PRCD: variants seen among roughly 807,000 people sequenced by gnomAD.
The protein encoded by PRCD is photoreceptor disk component PRCD.
PRCD carries 12 observed loss-of-function variants against 10.1 expected under a neutral mutation model. The ratio of observed to expected loss-of-function variants is 1.18; its 90% CI spans 0.76 to 1.92. PRCD has a LOEUF of 1.92. PRCD is among the 40% of genes most tolerant of loss of function. The pLI is 0.00. For synonymous variants in PRCD, 31 were observed against 26.2 expected, an observed-to-expected ratio of 1.18 and a Z score of -0.56; for missense variants, 61 against 72.2, an observed-to-expected ratio of 0.84 and a Z score of 0.56.
chr17:76,549,472 C>T (rs529988936), downstream of PRCD, among the ~76,000 whole-genome samples: 4 of 152,294 alleles, frequency 2.6e-5, no homozygotes, highest in South Asian at 4.1e-4. Flanking sequence ...AGCTGAAGGC[C>T]GACCATAGTA....
At position 76,528,564 on chromosome 17, in the gene PRCD, T is replaced by C. The variant is rs775552141; in HGVS notation, n.45+731T>C. On this transcript the variant is annotated intron_variant and non_coding_transcript_variant, in intron 1 of 4. Coordinates refer to the PRCD transcript ENST00000397633. This position sits in a 1 kb window ranked among gnomAD's most constrained non-coding sequence, Gnocchi z 5.8. Reference sequence around the variant, plus strand: ...CTCGAGGTGCTGCCAGGGAGGGGGGTGGAGTTAGGGGTCCTACGGCCCCGA... The same window carrying C: ...CTCGAGGTGCTGCCAGGGAGGGGGGCGGAGTTAGGGGTCCTACGGCCCCGA... The C allele has an allele frequency of 7.9e-7, 1 of 1,260,836 alleles. No individual in the cohort carries two copies. The highest frequency in any genetic ancestry group is 3.2e-5 in the South Asian group (1 of 31,278). 78.1% of individuals were successfully genotyped at this position (1,260,836 alleles called of 1,614,324 possible).
downstream of PRCD, among the ~76,000 whole-genome samples, chr17:76,547,772 TATA>T (rs926129084): frequency 1.1e-4 from 16 of 143,436 alleles, no homozygotes; most frequent in Admixed American, 7.0e-4. Context: ...TATACAAACA[TATA>T]ATACACACAC....
downstream of PRCD, among the ~76,000 whole-genome samples, chr17:76,547,959 CACAT>C (rs927650722): frequency 2.6e-5 from 4 of 151,682 alleles, no homozygotes; most frequent in Non-Finnish European, 5.9e-5. Context: ...CATATACACA[CACAT>C]ACACATAAAC....
Position 76,540,554 on chromosome 17 carries a change from G to C in PRCD, c.124G>C (p.Asp42His). 1 of 1,613,550 alleles carries C rather than the reference G, an allele frequency of 6.2e-7. No individual in the cohort carries two copies. Among genetic ancestry groups the C allele is most frequent in the African/African-American group, 1.3e-5 (1 of 75,046 alleles). ...AGCTAGGGGCAGCAGCTTGGATGCG[G>C]ACCCTCAGTCCTCAGGCAGGTAAGG... The part of the protein sequence containing the change: ...GAARGSSLDA[D>H]PQSSGREKEP... The change falls in exon 2 of 5, where the codon GAC (aspartate) becomes CAC (histidine). Residue 42 changes from aspartate (D) to histidine (H), a missense_variant. Transcript: ENST00000592014. The surrounding 1 kb of genome is among the most constrained non-coding windows in gnomAD (Gnocchi z 5.0).
At chr17:76,535,680 G>A (rs527270945), upstream of PRCD, among the ~76,000 whole-genome samples, 2 of 152,310 alleles carry the variant, frequency 1.3e-5, no homozygotes, top group South Asian at 4.1e-4. Flanking sequence ...ACTGGAAGAG[G>A]GGTGTAGAGA....
intron 1 of PRCD, chr17:76,550,486 TC>T (rs999632792): frequency 6.4e-4 from 98 of 152,158 alleles, no homozygotes; most frequent in African/African-American, 2.3e-3. Context: ...GGTCTCAAAC[TC>T]CTGACCTCAG....
chr17:76,543,589 C>T (rs2075017263), intron 4 of PRCD, among the ~76,000 whole-genome samples: 1 of 152,240 alleles, frequency 6.6e-6, no homozygotes, highest in Admixed American at 6.5e-5. Context: ...CTCCCAGGCT[C>T]ACACTGGAGC....
chr17:76,534,124 T>TCTC (rs2143101853), intron 1 of PRCD, among the ~76,000 whole-genome samples: 1 of 134,806 alleles, frequency 7.4e-6, no homozygotes, highest in South Asian at 2.6e-4. Context: ...CTTTCTTTCT[T>TCTC]TCTTTCTCTC....
intron 1 of PRCD, chr17:76,529,914 G>T (rs549764364): frequency 6.1e-5 from 60 of 985,324 alleles, no homozygotes; most frequent in African/African-American, 4.7e-4. Context: ...GACGGGAGAG[G>T]GGGGAGGGGA....
Position 76,528,421 on chromosome 17 carries a change from G to T in PRCD, n.45+588G>T, listed in dbSNP as rs985678787. On this transcript the variant is annotated intron_variant and non_coding_transcript_variant, in intron 1 of 4. Coordinates refer to the PRCD transcript ENST00000397633. This position sits in a 1 kb window ranked among gnomAD's most constrained non-coding sequence, Gnocchi z 5.8. ...CAGCGCCGCCTCCCAGCAGCTCCAG[G>T]GGGGGACCCTGGCCGCCACAGAGGC... The T allele has an allele frequency of 3.0e-6, 2 of 657,764 alleles. No individual in the cohort carries two copies. Among genetic ancestry groups the T allele is most frequent in the Non-Finnish European group, 4.4e-6 (2 of 455,004 alleles). 40.7% of individuals were successfully genotyped at this position (657,764 alleles called of 1,614,324 possible).
At chr17:76,527,782 C>T (rs762643014), upstream of PRCD, 30 of 454,030 alleles carry the variant, frequency 6.6e-5, no homozygotes, top group Middle Eastern at 6.9e-4. Context: ...TCCCCCAGTG[C>T]GGTCATCCCA....
At position 76,540,196 on chromosome 17, in the gene PRCD, T is replaced by A. The variant is rs199693977; in HGVS notation, c.55T>A (p.Phe19Ile). 315 of 1,573,184 alleles carry A rather than the reference T, an allele frequency of 2.0e-4. No homozygotes were observed. The highest frequency in any genetic ancestry group is 2.7e-4 in the Non-Finnish European group (312 of 1,157,310). The change falls in exon 1 of 5, where the codon TTT becomes ATT. Residue 19 changes from phenylalanine to isoleucine, a missense_variant. Transcript: ENST00000592014. The surrounding 1 kb of genome is among the most constrained non-coding windows in gnomAD (Gnocchi z 5.0). Reference protein sequence around the residue: ...STLAMLWRRRFANRVQPEPSD... With the variant: ...STLAMLWRRRIANRVQPEPSD... ...CCTGGCCATGCTCTGGCGCCGCCGA[T>A]TTGCCAACCGAGTCCAACCGTGAGA...
chr17:76,529,710 G>T lies in PRCD; in HGVS notation n.45+1877G>T, dbSNP rs144116933. ...TGTCTTTTCCCTGGACCCTCTGGGT[G>T]ACAGCTGGTGGGGGGTGAGGGGGCA... On this transcript the variant is annotated intron_variant and non_coding_transcript_variant, in intron 1 of 4. Coordinates refer to the PRCD transcript ENST00000397633. 1.6e-4 allele frequency: 161 copies of T among 985,418 alleles called. No individual in the cohort carries two copies. In the African/African-American group the frequency reaches 2.7e-3, roughly 16 times the overall value. The allele number at this position is 985,418 out of a possible 1,614,324, so 61.0% of individuals were successfully genotyped here.
chr17:76,539,072 C>A (rs1290940227), upstream of PRCD, among the ~76,000 whole-genome samples: 1 of 152,208 alleles, frequency 6.6e-6, no homozygotes, highest in African/African-American at 2.4e-5. Context: ...CTGACACTGT[C>A]TCCCCCTTGT....
chr17:76,528,975 G>A lies in PRCD; in HGVS notation n.45+1142G>A, dbSNP rs746814511. 3.1e-5 allele frequency: 32 copies of A among 1,026,666 alleles called. No individual in the cohort carries two copies. Among genetic ancestry groups the A allele is most frequent in the East Asian group, 1.7e-4 (2 of 11,988 alleles). 63.6% of individuals were successfully genotyped at this position (1,026,666 alleles called of 1,614,324 possible). A position where few individuals can be genotyped will look rare whatever the true frequency, so the allele number is the denominator to read the frequency against. ...TGGCGCATTCTGTCCGGCCTGTCTCGTCCCTCCTCGGGCCACCCATCTGTA... is the reference window on the plus strand; with the variant it reads ...TGGCGCATTCTGTCCGGCCTGTCTCATCCCTCCTCGGGCCACCCATCTGTA... On this transcript the variant is annotated intron_variant and non_coding_transcript_variant, in intron 1 of 4. Coordinates refer to the PRCD transcript ENST00000397633. The surrounding 1 kb of genome is among the most constrained non-coding windows in gnomAD (Gnocchi z 5.8).
At chr17:76,553,282 C>G (rs1370614929) in exon 2 of PRCD, 2 of 152,198 alleles carry the variant, frequency 1.3e-5, no homozygotes, top group Non-Finnish European at 2.9e-5. Context: ...AAAACAATTT[C>G]CAGCAAAGGG....
In PRCD at chr17:76,540,254, G is replaced by C. The variant is rs4648338; in HGVS notation, c.74+39G>C. 19 of 887,852 alleles carry C rather than the reference G, an allele frequency of 2.1e-5. 2 individuals carry two copies. Among genetic ancestry groups the C allele is most frequent in the East Asian group, 2.8e-5 (1 of 36,102 alleles). 55.0% of individuals were successfully genotyped at this position (887,852 alleles called of 1,614,324 possible). A position where few individuals can be genotyped will look rare whatever the true frequency, so the allele number is the denominator to read the frequency against. On this transcript the variant is annotated intron_variant, in intron 1 of 4. Transcript: ENST00000592014. The surrounding 1 kb of genome is among the most constrained non-coding windows in gnomAD (Gnocchi z 5.0). ...CGGGCTATGGCTGGCGGTTGGTCGG[G>C]GGGGGGGGGCATGGGGCTGGGCTGC...
intron 1 of PRCD, chr17:76,529,154 G>T: frequency 3.0e-6 from 3 of 984,608 alleles, no homozygotes; most frequent in Non-Finnish European, 3.6e-6. Flanking sequence ...GAAGTTGGGC[G>T]AGGGCCTTCT....
Position 76,531,874 on chromosome 17 carries a change from AC to A in PRCD, n.45+4045del. ...CTCCTCCCTCTGGCCAAGCCGGCTC[AC>A]CCCTACCAAGTCTGGCCATGTCTAT... On this transcript the variant is annotated intron_variant and non_coding_transcript_variant, in intron 1 of 4. Transcript: ENST00000397633. The surrounding 1 kb of genome is among the most constrained non-coding windows in gnomAD (Gnocchi z 7.4). The A allele has an allele frequency of 1.8e-6, 1 of 556,986 alleles. No homozygotes were observed. Among genetic ancestry groups the A allele is most frequent in the Non-Finnish European group, 3.2e-6 (1 of 315,242 alleles). The allele number at this position is 556,986 out of a possible 1,614,324, so 34.5% of individuals were successfully genotyped here. A position where few individuals can be genotyped will look rare whatever the true frequency, so the allele number is the denominator to read the frequency against.
Sources: gnomAD v4.1 joint callset for allele counts (sites outside exome capture counted in the v4.1 genomes callset) on GRCh38, gnomAD v4.1.1 for gene constraint, Gnocchi (gnomAD v3.1) non-coding constraint, MANE v1.5 for transcripts, NCBI Gene and HGNC (gene_info 2026-07-23, HGNC 2026-07-21) for gene names.